The following GRIK5 variants were observed in gnomAD, a reference collection of about 807,000 sequenced individuals.
GRIK5 encodes the protein glutamate ionotropic receptor kainate type subunit 5.
Under a neutral mutation model 97.4 loss-of-function variants are expected in GRIK5, and 43 were observed. The observed-to-expected ratio is 0.44, with a 90% CI of 0.35 to 0.57. GRIK5 has a LOEUF of 0.57. Among genes scored for constraint, GRIK5 ranks in the 20% least tolerant of loss-of-function variants. GRIK5 has a pLI of 0.01. For missense variants in GRIK5, 1,015 were observed against 1,382.0 expected (o/e 0.73, Z 4.21); for synonymous variants, 580 against 583.5 (o/e 0.99, Z 0.09).
intron 15 of GRIK5, among the ~76,000 whole-genome samples, chr19:42,018,632 C>A (rs2075657121): frequency 8.0e-6 from 1 of 124,792 alleles, no homozygotes. Flanking sequence ...GCACTCCAGC[C>A]TGAGCAACAA....
chr19:42,054,255 CAGTG>C (rs1311836667), intron 9 of GRIK5, 61 bp downstream of exon 9: 3 of 1,534,258 alleles, frequency 2.0e-6, no homozygotes, highest in Non-Finnish European at 2.7e-6. Context: ...AGGGTGGTCA[CAGTG>C]AGCGCTCCCA....
At chr19:42,040,875 T>C (rs2075969477) in intron 12 of GRIK5, among the ~76,000 whole-genome samples, 1 of 151,048 alleles carries the variant, frequency 6.6e-6, no homozygotes, top group South Asian at 2.1e-4. Context: ...GTCTCCAAAA[T>C]AAATAAATAA....
chr19:42,050,455 C>G (rs2076099303), intron 11 of GRIK5, among the ~76,000 whole-genome samples: 2 of 151,736 alleles, frequency 1.3e-5, no homozygotes, highest in African/African-American at 4.8e-5. Context: ...GTCAGGAGAT[C>G]AAGACCATCC....
chr19:42,032,570 C>A (rs1453685030), intron 12 of GRIK5, among the ~76,000 whole-genome samples: 1 of 152,184 alleles, frequency 6.6e-6, no homozygotes, highest in African/African-American at 2.4e-5. Context: ...TCCAAATAGC[C>A]ATCAATAGGG....
chr19:42,038,412 G>A (rs1171545635), intron 12 of GRIK5, among the ~76,000 whole-genome samples: 2 of 152,254 alleles, frequency 1.3e-5, no homozygotes, highest in East Asian at 3.8e-4. Flanking sequence ...CTGATGGGGT[G>A]CCCACCTTGG....
chr19:42,061,173 G>A (rs1388434388), intron 5 of GRIK5, among the ~76,000 whole-genome samples: 1 of 152,080 alleles, frequency 6.6e-6, no homozygotes, highest in Non-Finnish European at 1.5e-5. Flanking sequence ...TCAGCCTCCT[G>A]AGTAGCTGGC....
In GRIK5 at chr19:42,021,907, C is replaced by T; in HGVS notation, c.1697+40G>A. 1 of 1,420,968 alleles carries T rather than the reference C, an allele frequency of 7.0e-7. No homozygotes were observed. The highest frequency in any genetic ancestry group is 9.8e-7 in the Non-Finnish European group (1 of 1,017,510). The allele number at this position is 1,420,968 out of a possible 1,614,324, so 88.0% of individuals were successfully genotyped here. A position where few individuals can be genotyped will look rare whatever the true frequency, so the allele number is the denominator to read the frequency against. On this transcript the variant is annotated intron_variant, in intron 14 of 19. Transcript: ENST00000593562. This position sits in a 1 kb window ranked among gnomAD's most constrained non-coding sequence, Gnocchi z 4.2. ...CGGTCCCAGAGGCCTCGGCTCGTGC[C>T]TCCTCCAGCCCCTTCCTTCCCAGTA...
Position 42,067,261 on chromosome 19 carries a change from T to C in GRIK5, c.-50-1441A>G, listed in dbSNP as rs566665353. ...TGGAATGAGAACTTCGAGGGAAGGA[T>C]AGAGGCACAAGTCCTTCTCACCATC... On this transcript the variant is annotated intron_variant, in intron 1 of 19. Transcript: ENST00000593562. Among the ~76,000 whole-genome samples the C allele has an allele frequency of 6.6e-5, 10 of 152,300 alleles. No individual in the cohort carries two copies. In the East Asian group the frequency reaches 1.2e-3, roughly 18 times the overall value.
Position 42,053,685 on chromosome 19 carries a change from T to C in GRIK5, c.1186A>G (p.Thr396Ala). The C allele has an allele frequency of 1.2e-6, 2 of 1,612,602 alleles. No individual in the cohort carries two copies. Among genetic ancestry groups the C allele is most frequent in the South Asian group, 2.2e-5 (2 of 91,048 alleles). ...AGGGTGGTGGCATTCATGGCCAGGGTGCGGTTAGAGTACCACACCCCAATC... is the reference window on the plus strand; with the variant it reads ...AGGGTGGTGGCATTCATGGCCAGGGCGCGGTTAGAGTACCACACCCCAATC... ...REIGVWYSNR[T>A]LAMNATTLDI... The change falls in exon 11 of 20, where the codon ACC becomes GCC. Residue 396 changes from threonine to alanine, a missense_variant. Physicochemically the swap from Thr to Ala is moderately conservative, Grantham distance 58. Coordinates refer to ENST00000593562, the MANE Select transcript of GRIK5 (RefSeq NM_002088.5).
At chr19:42,017,520 C>CCCA (rs2075639177) in intron 15 of GRIK5, among the ~76,000 whole-genome samples, 3 of 152,158 alleles carry the variant, frequency 2.0e-5, no homozygotes, top group Non-Finnish European at 4.4e-5. Flanking sequence ...GGTCTGCAAG[C>CCCA]ACTGAAAACT....
chr19:42,037,596 C>G (rs2075923998), intron 12 of GRIK5, among the ~76,000 whole-genome samples: 1 of 152,208 alleles, frequency 6.6e-6, no homozygotes, highest in Non-Finnish European at 1.5e-5. Context: ...GGACCTGAAG[C>G]TGGCTCCTTC....
At chr19:42,043,208 GC>G (rs1176378390) in intron 11 of GRIK5, among the ~76,000 whole-genome samples, 1 of 152,008 alleles carries the variant, frequency 6.6e-6, no homozygotes, top group African/African-American at 2.4e-5. Flanking sequence ...AACAGTCCTT[GC>G]CCTAGTAACT....
intron 6 of GRIK5, among the ~76,000 whole-genome samples, chr19:42,057,814 G>A (rs1014376307): frequency 2.0e-5 from 3 of 152,292 alleles, no homozygotes; most frequent in South Asian, 4.1e-4. Flanking sequence ...CAGTTTGAAC[G>A]TCAAGATTCA....
chr19:42,003,909 T>G lies in GRIK5; in HGVS notation c.2264-226A>C. 1 of 474,350 alleles carries G rather than the reference T, an allele frequency of 2.1e-6. No homozygotes were observed. Among genetic ancestry groups the G allele is most frequent in the Non-Finnish European group, 3.7e-6 (1 of 272,892 alleles). 29.4% of individuals were successfully genotyped at this position (474,350 alleles called of 1,614,324 possible). A position where few individuals can be genotyped will look rare whatever the true frequency, so the allele number is the denominator to read the frequency against. ...CATACCTTTCCTGTGCTCAGGACTC[T>G]CCATGGCTTCCTGTTGCAAGCTCCT... is the stretch of plus-strand genomic sequence containing the variant. On this transcript the variant is annotated intron_variant, in intron 17 of 19. Coordinates refer to ENST00000593562, the MANE Select transcript of GRIK5 (RefSeq NM_002088.5). The surrounding 1 kb of genome is among the most constrained non-coding windows in gnomAD (Gnocchi z 4.2).
At chr19:42,007,028 A>G (rs1266667008) in intron 15 of GRIK5, among the ~76,000 whole-genome samples, 1 of 152,208 alleles carries the variant, frequency 6.6e-6, no homozygotes, top group Non-Finnish European at 1.5e-5. Context: ...ATAAAAGAGT[A>G]AGATGGTCTG....
rs2076320364 is a variant in GRIK5 at position 42,065,619 on chromosome 19, G to T, written c.79+73C>A. 3 of 1,258,440 alleles carry T rather than the reference G, an allele frequency of 2.4e-6. No individual in the cohort carries two copies. The highest frequency in any genetic ancestry group is 2.1e-5 in the Admixed American group (1 of 47,300). The allele number at this position is 1,258,440 out of a possible 1,614,324, so 78.0% of individuals were successfully genotyped here. The stretch of plus-strand genomic sequence containing the variant: ...GAGAGCTGAGACCTGGACCCTGACG[G>T]ACTGGCATGCCTGGGTCCCCAGAGG... On this transcript the variant is annotated intron_variant, in intron 2 of 19. Transcript: ENST00000593562. This position sits in a 1 kb window ranked among gnomAD's most constrained non-coding sequence, Gnocchi z 5.8.
At chr19:42,066,050 G>A (rs527254145) in intron 1 of GRIK5, among the ~76,000 whole-genome samples, 3 of 152,236 alleles carry the variant, frequency 2.0e-5, no homozygotes, top group South Asian at 4.1e-4. Context: ...GTGCTCAGGC[G>A]CTGAGTAGGA....
At chr19:42,054,048 CAA>C (rs1192818432) in intron 9 of GRIK5, 119 bp from the exon 10 acceptor site, 5 of 704,462 alleles carry the variant, frequency 7.1e-6, no homozygotes, top group African/African-American at 1.8e-5. Context: ...GTGGAGGGGA[CAA>C]GAGAGAGAAG....
At chr19:42,041,375 A>T (rs2075975821) in intron 12 of GRIK5, among the ~76,000 whole-genome samples, 1 of 152,180 alleles carries the variant, frequency 6.6e-6, no homozygotes, top group Admixed American at 6.5e-5. Flanking sequence ...GCCTCTGGGC[A>T]GTTGTGCCCA....
Sources: gnomAD v4.1 joint callset for allele counts (sites outside exome capture counted in the v4.1 genomes callset) on GRCh38, gnomAD v4.1.1 for gene constraint, Gnocchi (gnomAD v3.1) non-coding constraint, MANE v1.5 for transcripts, NCBI Gene and HGNC (gene_info 2026-07-23, HGNC 2026-07-21) for gene names.